The following INVS variants were observed in gnomAD, a reference collection of about 807,000 sequenced individuals.
INVS encodes inversion of embryo turning homolog.
A neutral mutation model predicts 108.8 loss-of-function variants in INVS; 86 were observed. The observed-to-expected ratio is 0.79, with a 90% CI of 0.66 to 0.95. The LOEUF (loss-of-function observed/expected upper bound fraction) is 0.95. INVS is among the 40% of genes least tolerant of loss of function. INVS has a pLI of 0.00. For missense variants in INVS, 1,169 were observed against 1,297.4 expected, an observed-to-expected ratio of 0.90 and a Z score of 1.52; for synonymous variants, 455 against 473.5, an observed-to-expected ratio of 0.96 and a Z score of 0.51.
At chr9:100,236,325 T>G (rs1448937953) in intron 5 of INVS, among the ~76,000 whole-genome samples, 1 of 152,132 alleles carries the variant, frequency 6.6e-6, no homozygotes, top group Non-Finnish European at 1.5e-5. Flanking sequence ...CTTGGAGGAT[T>G]TTATTACCCA....
chr9:100,290,123 A>G (rs1384271608), intron 13 of INVS, among the ~76,000 whole-genome samples: 3 of 151,862 alleles, frequency 2.0e-5, no homozygotes, highest in Non-Finnish European at 4.4e-5. Flanking sequence ...GGTTGCATAT[A>G]TGTGAAACAT....
At chr9:100,111,312 T>C (rs1827331160) in intron 2 of INVS, among the ~76,000 whole-genome samples, 1 of 152,264 alleles carries the variant, frequency 6.6e-6, no homozygotes, top group Non-Finnish European at 1.5e-5. Flanking sequence ...GTGACAGTCA[T>C]TTCCTCTAAC....
chr9:100,267,874 G>C (rs1832840394), intron 11 of INVS, among the ~76,000 whole-genome samples: 1 of 152,082 alleles, frequency 6.6e-6, no homozygotes, highest in Non-Finnish European at 1.5e-5. Context: ...TATATTTTTT[G>C]AGAAAATTGG....
Position 100,221,655 on chromosome 9 carries a change from C to G in INVS, c.274-4407C>G, listed in dbSNP as rs561181140. ...TTTGTTGGTCCTATATCATCATTAT[C>G]TGTAGGCAGAATATAGACATCTTTC... On this transcript the variant is annotated intron_variant, in intron 3 of 16. Coordinates refer to ENST00000262457, the MANE Select transcript of INVS (RefSeq NM_014425.5). Among the ~76,000 whole-genome samples, 11 of 151,998 alleles carry G rather than the reference C, an allele frequency of 7.2e-5. No homozygotes were observed. In the South Asian group the frequency reaches 2.3e-3, roughly 32 times the overall value.
chr9:100,225,519 A>C (rs1438804378), intron 3 of INVS, among the ~76,000 whole-genome samples: 1 of 152,194 alleles, frequency 6.6e-6, no homozygotes, highest in Admixed American at 6.5e-5. Flanking sequence ...ATCTCTGCTT[A>C]TTTCGCATTA....
At chr9:100,281,738 C>G (rs1220022618) in intron 12 of INVS, among the ~76,000 whole-genome samples, 1 of 145,590 alleles carries the variant, frequency 6.9e-6, no homozygotes, top group African/African-American at 2.5e-5. Flanking sequence ...AAATCACCCC[C>G]CTGGTATCCC....
chr9:100,281,491 A>G (rs1012996057), intron 12 of INVS, among the ~76,000 whole-genome samples: 2 of 152,158 alleles, frequency 1.3e-5, no homozygotes, highest in Non-Finnish European at 2.9e-5. Flanking sequence ...GTTATGCATA[A>G]TTTCCAGTTT....
chr9:100,104,725 T>C (rs1469514553), intron 2 of INVS, 98 bp downstream of exon 2: 1 of 779,176 alleles, frequency 1.3e-6, no homozygotes, highest in Non-Finnish European at 2.3e-6. Flanking sequence ...CTCATACATT[T>C]TAATGGAAAT....
chr9:100,111,369 A>G (rs1234875515), intron 2 of INVS, among the ~76,000 whole-genome samples: 2 of 152,238 alleles, frequency 1.3e-5, no homozygotes, highest in South Asian at 2.1e-4. Context: ...CCCATTAACC[A>G]TATGTACTCT....
At chr9:100,234,105 G>A (rs1019425635) in intron 5 of INVS, among the ~76,000 whole-genome samples, 4 of 152,166 alleles carry the variant, frequency 2.6e-5, no homozygotes, top group African/African-American at 9.7e-5. Flanking sequence ...CTGGGAGGGT[G>A]TATGTGTCCA....
In INVS at chr9:100,291,507, T is replaced by C. The variant is rs1246376932; in HGVS notation, c.2069-819T>C. Among the ~76,000 whole-genome samples, 7 of 152,228 alleles carry C rather than the reference T, an allele frequency of 4.6e-5. No homozygotes were observed. In the East Asian group the frequency reaches 1.2e-3, roughly 25 times the overall value. On this transcript the variant is annotated intron_variant, in intron 13 of 16. Transcript: ENST00000262457. ...TGTGTTAACTGTTGCTTATGGTACA[T>C]TGTTTCCTCATGCATTTTGTGATTT...
intron 12 of INVS, among the ~76,000 whole-genome samples, chr9:100,276,663 C>T (rs1293238461): frequency 6.6e-6 from 1 of 152,078 alleles, no homozygotes; most frequent in African/African-American, 2.4e-5. Context: ...TGTGTGCCAC[C>T]ACGACCAGCT....
At chr9:100,124,301 A>G (rs1383825856) in intron 2 of INVS, among the ~76,000 whole-genome samples, 1 of 151,750 alleles carries the variant, frequency 6.6e-6, no homozygotes, top group African/African-American at 2.4e-5. Flanking sequence ...AAGCCTTATC[A>G]CTAATTAGGT....
chr9:100,140,387 G>C (rs1007896966), intron 3 of INVS, among the ~76,000 whole-genome samples: 8 of 152,142 alleles, frequency 5.3e-5, no homozygotes, highest in Non-Finnish European at 1.0e-4. Context: ...GGGGTCACAA[G>C]GTGCTCAGTA....
chr9:100,293,667 T>C (rs1408763978), intron 14 of INVS, among the ~76,000 whole-genome samples: 1 of 152,184 alleles, frequency 6.6e-6, no homozygotes, highest in Admixed American at 6.5e-5. Context: ...GGGTGAAGGC[T>C]GTCCTAAAAG....
chr9:100,160,916 C>T (rs1476548041), intron 3 of INVS, among the ~76,000 whole-genome samples: 2 of 135,416 alleles, frequency 1.5e-5, no homozygotes, highest in African/African-American at 5.4e-5. Context: ...GATCACACCA[C>T]TACACTCCAG....
intron 2 of INVS, chr9:100,120,472 A>G (rs965992636): frequency 5.4e-6 from 1 of 185,882 alleles, no homozygotes; most frequent in Middle Eastern, 5.7e-4. Flanking sequence ...GAAGGATCCC[A>G]TCTATGATAC....
chr9:100,142,281 C>T (rs981975718), intron 3 of INVS, among the ~76,000 whole-genome samples: 2 of 152,150 alleles, frequency 1.3e-5, no homozygotes, highest in Admixed American at 1.3e-4. Flanking sequence ...ACGCATAGTC[C>T]TTTTGCAAGA....
chr9:100,154,331 ATTT>A (rs780090630), intron 3 of INVS, among the ~76,000 whole-genome samples: 114 of 68,534 alleles, frequency 1.7e-3, no homozygotes, highest in African/African-American at 2.2e-3. Context: ...CAACCGACTA[ATTT>A]TTTTTTTTTT....
Sources: gnomAD v4.1 joint callset for allele counts (sites outside exome capture counted in the v4.1 genomes callset) on GRCh38, gnomAD v4.1.1 for gene constraint, MANE v1.5 for transcripts, NCBI Gene and HGNC (gene_info 2026-07-23, HGNC 2026-07-21) for gene names.